Variants in VCAN observed in about 807,000 individuals in gnomAD.
The protein encoded by VCAN is versican core protein.
VCAN carries 44 observed loss-of-function variants against 245.5 expected under a neutral mutation model. The ratio of observed to expected loss-of-function variants is 0.18; its 90% CI spans 0.14 to 0.23. The LOEUF is 0.23. Among genes scored for constraint, VCAN ranks in the 10% least tolerant of loss-of-function variants. VCAN has a pLI of 1.00. For synonymous variants in VCAN, 1,413 were observed against 1,437.0 expected (o/e 0.98, Z 0.38); for missense variants, 3,793 against 4,057.9 (o/e 0.93, Z 1.77).
chr5:83,531,254 T>A (rs1469966075), intron 7 of VCAN: 1 of 152,198 alleles, frequency 6.6e-6, no homozygotes, highest in Non-Finnish European at 1.5e-5. Context: ...TACCCAAACT[T>A]GTTTATACAC....
Position 83,542,060 on chromosome 5 carries a change from C to T in VCAN, c.9057C>T (p.Ile3019=). ...ACCCTGAAACTCAAGCAGCTTTAAT[C>T]AGAGGGCAGGATTCCACGATAGCAG... The part of the protein sequence containing the change: ...EINPETQAAL[I]RGQDSTIAAS... Residue 3019 remains isoleucine (I), a synonymous_variant, in exon 8 of 15, where the codon ATC becomes ATT. Coordinates refer to ENST00000265077, the MANE Select transcript of VCAN (RefSeq NM_004385.5). The T allele has an allele frequency of 6.2e-7, 1 of 1,612,850 alleles. No homozygotes were observed. The highest frequency in any genetic ancestry group is 8.5e-7 in the Non-Finnish European group (1 of 1,179,022).
intron 2 of VCAN, among the ~76,000 whole-genome samples, chr5:83,485,336 G>A (rs1319185364): frequency 3.3e-5 from 5 of 151,678 alleles, no homozygotes; most frequent in East Asian, 3.9e-4. Flanking sequence ...CCCGGGAGGT[G>A]GAGGTTGTGG....
At chr5:83,546,407 A>G (rs1420257184) in intron 9 of VCAN, among the ~76,000 whole-genome samples, 2 of 152,226 alleles carry the variant, frequency 1.3e-5, no homozygotes, top group East Asian at 3.9e-4. Context: ...AGCACTTTAA[A>G]TTATACATCA....
chr5:83,517,173 G>A (rs1252221527), intron 6 of VCAN, among the ~76,000 whole-genome samples: 1 of 152,094 alleles, frequency 6.6e-6, no homozygotes, highest in African/African-American at 2.4e-5. Flanking sequence ...AGTAATAATT[G>A]ACAATGAAAT....
At chr5:83,578,909 A>G (rs1748568399) in intron 13 of VCAN, among the ~76,000 whole-genome samples, 1 of 152,142 alleles carries the variant, frequency 6.6e-6, no homozygotes, top group African/African-American at 2.4e-5. Context: ...GTTGAATAAA[A>G]CTATGTTAAC....
chr5:83,481,783 T>C (rs1744623763), intron 1 of VCAN, among the ~76,000 whole-genome samples: 1 of 152,200 alleles, frequency 6.6e-6, no homozygotes, highest in Non-Finnish European at 1.5e-5. Context: ...AAAGGTCTAA[T>C]TCTTATTTCA....
intron 5 of VCAN, among the ~76,000 whole-genome samples, chr5:83,498,868 TCTC>T (rs1425415001): frequency 2.0e-5 from 3 of 152,174 alleles, no homozygotes; most frequent in African/African-American, 7.2e-5. Context: ...GCCATGTAAT[TCTC>T]CTACTTAACG....
At chr5:83,569,250 A>G (rs895520687) in intron 12 of VCAN, among the ~76,000 whole-genome samples, 1 of 152,138 alleles carries the variant, frequency 6.6e-6, no homozygotes, top group African/African-American at 2.4e-5. Context: ...CCTGATATGC[A>G]TTGCCACCTG....
At chr5:83,552,220 G>A (rs1747497472) in intron 10 of VCAN, among the ~76,000 whole-genome samples, 1 of 152,174 alleles carries the variant, frequency 6.6e-6, no homozygotes, top group Non-Finnish European at 1.5e-5. Flanking sequence ...GACAATCTGA[G>A]TTTCAATTTG....
At chr5:83,547,942 T>A (rs754948147) in intron 9 of VCAN, 29 bp from the exon 10 acceptor site, 16 of 1,494,668 alleles carry the variant, frequency 1.1e-5, no homozygotes, top group Non-Finnish European at 1.4e-5. Context: ...TTTGAAAGTA[T>A]TTTGTGAGCT....
intron 13 of VCAN, among the ~76,000 whole-genome samples, chr5:83,574,565 T>A (rs778371058): frequency 1.3e-5 from 2 of 152,200 alleles, no homozygotes; most frequent in Non-Finnish European, 2.9e-5. Context: ...TTGGGGACTT[T>A]AGATGTTAGG....
intron 5 of VCAN, among the ~76,000 whole-genome samples, chr5:83,504,495 G>C (rs2112377197): frequency 6.6e-6 from 1 of 150,882 alleles, no homozygotes; most frequent in African/African-American, 2.4e-5. Flanking sequence ...CGATCCTCCT[G>C]CCTCAGATCC....
chr5:83,478,317 T>C (rs955393556), intron 1 of VCAN, among the ~76,000 whole-genome samples: 1 of 152,234 alleles, frequency 6.6e-6, no homozygotes, highest in Non-Finnish European at 1.5e-5. Flanking sequence ...TCTCATATAC[T>C]GTTGTATGAA....
chr5:83,542,427 G>T (rs914293350), intron 8 of VCAN, among the ~76,000 whole-genome samples, 159 bp downstream of exon 8: 2 of 152,180 alleles, frequency 1.3e-5, no homozygotes, highest in Non-Finnish European at 2.9e-5. Context: ...AGTTCATAAT[G>T]AGATGAAATG....
chr5:83,560,912 G>A (rs765500000), intron 12 of VCAN, among the ~76,000 whole-genome samples: 4 of 152,062 alleles, frequency 2.6e-5, no homozygotes, highest in African/African-American at 4.8e-5. Context: ...TGGATCAGAC[G>A]CATTTACTTC....
chr5:83,533,589 G>A (rs1285123839), intron 7 of VCAN, among the ~76,000 whole-genome samples: 2 of 152,044 alleles, frequency 1.3e-5, no homozygotes, highest in East Asian at 1.9e-4. Flanking sequence ...TGGTTGTGGT[G>A]GTAGTGAATT....
chr5:83,540,272 C>T lies in VCAN; in HGVS notation c.7269C>T (p.Asp2423=). ...TTACATCAGCACCAAAACCATCTGA[C>T]TTGTATTATGAACCTTCTGGAGAAG... ...EFVTSAPKPS[D]LYYEPSGEGS... The change falls in exon 8 of 15, where the codon GAC becomes GAT. Residue 2423 remains aspartate (D), a synonymous_variant. Transcript: ENST00000265077. 4 of 1,614,076 alleles carry T rather than the reference C, an allele frequency of 2.5e-6. No individual in the cohort carries two copies. The highest frequency in any genetic ancestry group is 3.4e-6 in the Non-Finnish European group (4 of 1,179,990).
Position 83,541,313 on chromosome 5 carries a change from G to A in VCAN, c.8310G>A (p.Glu2770=), listed in dbSNP as rs369901443. 2 of 1,613,906 alleles carry A rather than the reference G, an allele frequency of 1.2e-6. No individual in the cohort carries two copies. Among genetic ancestry groups the A allele is most frequent in the African/African-American group, 1.3e-5 (1 of 74,908 alleles). ...SFQPEFSSGA[E]EALVDHTPYL... ...AGCCAGAATTCTCTTCAGGAGCTGA[G>A]GAGGCATTAGTAGACCATACTCCCT... The change falls in exon 8 of 15, where the codon GAG becomes GAA. Residue 2770 remains glutamate (E), a synonymous_variant. Coordinates refer to ENST00000265077, the MANE Select transcript of VCAN (RefSeq NM_004385.5).
chr5:83,490,337 C>T lies in VCAN; in HGVS notation c.310C>T (p.Pro104Ser), dbSNP rs1400942290. Residue 104 changes from proline (P) to serine (S), a missense_variant, in exon 3 of 15, where the codon CCC (proline) becomes TCC (serine). Transcript: ENST00000265077. ...GQDYKGRVSV[P>S]THPEAVGDAS... ...GGACTACAAAGGGAGAGTGTCTGTG[C>T]CCACACATCCCGAGGCTGTGGGCGA... 5 of 1,614,060 alleles carry T rather than the reference C, an allele frequency of 3.1e-6. No homozygotes were observed. The highest frequency in any genetic ancestry group is 2.7e-5 in the African/African-American group (2 of 74,920).
Sources: allele counts gnomAD v4.1 joint callset (sites outside exome capture counted in the v4.1 genomes callset), GRCh38; gene constraint gnomAD v4.1.1; transcripts MANE v1.5; gene names NCBI Gene and HGNC (gene_info 2026-07-23, HGNC 2026-07-21).